SCFD2: variants seen among roughly 807,000 people sequenced by gnomAD.
SCFD2 encodes sec1 family domain containing 2.
Under a neutral mutation model 58.9 loss-of-function variants are expected in SCFD2, and 54 were observed. That is an observed-to-expected ratio of 0.92 (90% CI 0.74 to 1.15). The LOEUF (loss-of-function observed/expected upper bound fraction) is 1.15. Among genes scored for constraint, SCFD2 ranks in the 50% most tolerant of loss-of-function variants. SCFD2 has a pLI of 0.00. For synonymous variants in SCFD2, 321 were observed against 335.9 expected, an observed-to-expected ratio of 0.96 and a Z score of 0.49; for missense variants, 805 against 836.6, an observed-to-expected ratio of 0.96 and a Z score of 0.47.
intron 2 of SCFD2, among the ~76,000 whole-genome samples, chr4:53,349,077 C>T (rs1164699059): frequency 6.6e-6 from 1 of 152,032 alleles, no homozygotes; most frequent in Admixed American, 6.6e-5. Flanking sequence ...AAAAGGACAG[C>T]GAATGAAGGC....
chr4:53,012,749 A>G (rs564276293), intron 5 of SCFD2, among the ~76,000 whole-genome samples: 46 of 151,782 alleles, frequency 3.0e-4, no homozygotes, highest in African/African-American at 1.1e-3. Flanking sequence ...TTATGGAGTT[A>G]ATTGACATCT....
chr4:52,967,388 T>C (rs1720986140), intron 5 of SCFD2, among the ~76,000 whole-genome samples: 2 of 152,208 alleles, frequency 1.3e-5, no homozygotes, highest in Admixed American at 6.5e-5. Flanking sequence ...ACTTACTACA[T>C]GGCAGTCCTT....
intron 4 of SCFD2, among the ~76,000 whole-genome samples, chr4:53,193,881 C>G (rs1353422469): frequency 1.3e-5 from 2 of 152,144 alleles, no homozygotes; most frequent in African/African-American, 4.8e-5. Flanking sequence ...GCAGCAGCCT[C>G]CTACCTCACC....
intron 4 of SCFD2, among the ~76,000 whole-genome samples, chr4:53,263,934 G>A (rs879056581): frequency 6.6e-6 from 1 of 152,154 alleles, no homozygotes; most frequent in African/African-American, 2.4e-5. Context: ...GAATAGGTGT[G>A]TCTGAGCTCA....
rs144260523 is a variant in SCFD2 at position 53,327,998 on chromosome 4, G to A, written c.1008-14235C>T. Among the ~76,000 whole-genome samples the A allele has an allele frequency of 2.5e-3, 376 of 152,136 alleles. 2 individuals are homozygous for A. Among genetic ancestry groups the A allele is most frequent in the Non-Finnish European group, 4.8e-3 (327 of 67,986 alleles). Reference sequence around the variant, plus strand: ...ACAAAAAAAAGAAACAGCCAGGCATGGTGGCATGTGCCTGTAGTCCCAGCT... The same window carrying A: ...ACAAAAAAAAGAAACAGCCAGGCATAGTGGCATGTGCCTGTAGTCCCAGCT... On this transcript the variant is annotated intron_variant, in intron 2 of 8. Coordinates refer to ENST00000401642, the MANE Select transcript of SCFD2 (RefSeq NM_152540.4).
chr4:53,354,701 G>C lies in SCFD2; in HGVS notation c.839-1935C>G, dbSNP rs149780676. Among the ~76,000 whole-genome samples the C allele has an allele frequency of 8.3e-3, 1,260 of 152,254 alleles. 18 individuals are homozygous for C. Among genetic ancestry groups the C allele is most frequent in the African/African-American group, 0.029 (1,189 of 41,546 alleles). ...TAATGAATGAATAAATAAATAACCT[G>C]TATCTAGTCAGTCAGGTAAATAGTG... On this transcript the variant is annotated intron_variant, in intron 1 of 8. Transcript: ENST00000401642.
At chr4:53,344,763 T>C (rs1449674916) in intron 2 of SCFD2, among the ~76,000 whole-genome samples, 2 of 151,934 alleles carry the variant, frequency 1.3e-5, no homozygotes, top group African/African-American at 2.4e-5. Context: ...TATAGACCAA[T>C]GGAACAGAAC....
At chr4:52,878,276 C>CAGA (rs1718526249) in intron 8 of SCFD2, among the ~76,000 whole-genome samples, 2 of 152,204 alleles carry the variant, frequency 1.3e-5, no homozygotes, top group Admixed American at 1.3e-4. Flanking sequence ...GTGAAGGAGG[C>CAGA]AGGGAGTGTA....
intron 4 of SCFD2, among the ~76,000 whole-genome samples, chr4:53,237,217 GAA>G (rs1434771979): frequency 2.1e-4 from 32 of 149,268 alleles, no homozygotes; most frequent in African/African-American, 7.2e-4. Context: ...AGAACAAAAT[GAA>G]AAGTCTCCCA....
At chr4:53,207,530 T>TATAATATATATAATATATATATAA (rs375151293) in intron 4 of SCFD2, among the ~76,000 whole-genome samples, 1 of 16,734 alleles carries the variant, frequency 6.0e-5, no homozygotes, top group Non-Finnish European at 9.4e-5. Context: ...TATATAATAT[T>TATAATATATATAATATATATATAA]TATATATTAT....
At chr4:53,255,259 G>T (rs1432446300) in intron 4 of SCFD2, among the ~76,000 whole-genome samples, 1 of 143,956 alleles carries the variant, frequency 6.9e-6, no homozygotes, top group Non-Finnish European at 1.5e-5. Context: ...GTTTCTCGCA[G>T]AGGGGGAGTT....
At chr4:53,237,720 A>G (rs868584374) in intron 4 of SCFD2, among the ~76,000 whole-genome samples, 29 of 53,418 alleles carry the variant, frequency 5.4e-4, no homozygotes, top group African/African-American at 1.1e-3. Flanking sequence ...AGGGGCGGCC[A>G]GGCAGAGGCG....
At chr4:52,923,739 T>G (rs539404219) in intron 5 of SCFD2, among the ~76,000 whole-genome samples, 1 of 152,286 alleles carries the variant, frequency 6.6e-6, no homozygotes, top group African/African-American at 2.4e-5. Context: ...AAAGAGTTCA[T>G]AACCAAGGCA....
intron 4 of SCFD2, among the ~76,000 whole-genome samples, chr4:53,163,251 G>A (rs1726907890): frequency 6.6e-6 from 1 of 152,318 alleles, no homozygotes; most frequent in East Asian, 1.9e-4. Flanking sequence ...TTGAGTGCTG[G>A]AATCAGGGCC....
chr4:53,303,244 T>C (rs549728285), intron 3 of SCFD2, among the ~76,000 whole-genome samples: 1 of 151,782 alleles, frequency 6.6e-6, no homozygotes, highest in East Asian at 1.9e-4. Context: ...TGAACTCAAA[T>C]ACATTTACAA....
intron 4 of SCFD2, among the ~76,000 whole-genome samples, chr4:53,183,156 A>T (rs1021995756): frequency 5.3e-5 from 8 of 152,224 alleles, no homozygotes; most frequent in Non-Finnish European, 1.0e-4. Context: ...TACTGGGTAT[A>T]TACCGAAAGG....
chr4:53,357,030 CAAACAAAATTT>C (rs1468799596), intron 1 of SCFD2, among the ~76,000 whole-genome samples: 1 of 152,056 alleles, frequency 6.6e-6, no homozygotes, highest in African/African-American at 2.4e-5. Context: ...TCTTCATTCC[CAAACAAAATTT>C]AAACTTCCTA....
At chr4:53,261,379 C>G (rs1730824353) in intron 4 of SCFD2, among the ~76,000 whole-genome samples, 1 of 152,070 alleles carries the variant, frequency 6.6e-6, no homozygotes, top group African/African-American at 2.4e-5. Flanking sequence ...GTGCTATAAA[C>G]TTTCCTATTA....
chr4:53,236,285 G>A (rs1398987593), intron 4 of SCFD2, among the ~76,000 whole-genome samples: 2 of 152,030 alleles, frequency 1.3e-5, no homozygotes, highest in African/African-American at 4.8e-5. Context: ...TCAGTTTTGG[G>A]ACTCAGACTG....
Sources: allele counts gnomAD v4.1 joint callset (sites outside exome capture counted in the v4.1 genomes callset), GRCh38; gene constraint gnomAD v4.1.1; transcripts MANE v1.5; gene names NCBI Gene and HGNC (gene_info 2026-07-23, HGNC 2026-07-21).